The following ATM variants were observed in gnomAD, a reference collection of about 807,000 sequenced individuals.
The protein encoded by ATM is serine-protein kinase ATM.
A neutral mutation model predicts 387.0 loss-of-function variants in ATM; 308 were observed. The observed-to-expected ratio is 0.80, with a 90% CI of 0.73 to 0.87. ATM has a LOEUF of 0.87. ATM is among the 40% of genes least tolerant of loss of function. ATM has a pLI of 0.00. For missense variants in ATM, 3,312 were observed against 3,560.9 expected, an observed-to-expected ratio of 0.93 and a Z score of 1.78; for synonymous variants, 1,156 against 1,187.3, an observed-to-expected ratio of 0.97 and a Z score of 0.54.
chr11:108,239,913 A>G (rs1440074653), intron 5 of ATM, among the ~76,000 whole-genome samples: 1 of 152,236 alleles, frequency 6.6e-6, no homozygotes, highest in Non-Finnish European at 1.5e-5. Flanking sequence ...CTCAAGCTAC[A>G]CTGTCAATTA....
chr11:108,298,616 C>G (rs1280843809), intron 33 of ATM, among the ~76,000 whole-genome samples: 1 of 152,200 alleles, frequency 6.6e-6, no homozygotes, highest in Non-Finnish European at 1.5e-5. Flanking sequence ...ACAGCTTTCC[C>G]CCTAAGATCA....
At chr11:108,336,035 G>C in intron 56 of ATM, 74 bp downstream of exon 56, 1 of 1,155,934 alleles carries the variant, frequency 8.7e-7, no homozygotes, top group South Asian at 1.3e-5. Flanking sequence ...AGTGGCTCAT[G>C]CCCATATTCA....
chr11:108,294,594 C>T (rs1339110438), intron 31 of ATM, among the ~76,000 whole-genome samples: 3 of 152,130 alleles, frequency 2.0e-5, no homozygotes, highest in African/African-American at 4.8e-5. Context: ...ACAAAATTAG[C>T]TGGGCGTGGT....
chr11:108,271,243 T>C lies in ATM; in HGVS notation c.2922-8T>C, dbSNP rs545892367. 3 of 1,612,978 alleles carry C rather than the reference T, an allele frequency of 1.9e-6. No individual in the cohort carries two copies. In the East Asian group the frequency reaches 6.7e-5, roughly 36 times the overall value. ...TAAAGTTGAACTTTTTTTTTTTTTT[T>C]ACCACAGCAATGTGTGTTCTTTGTA... On this transcript the variant is annotated splice_region_variant and splice_polypyrimidine_tract_variant and intron_variant, in intron 19 of 62. Coordinates refer to ENST00000675843, the MANE Select transcript of ATM (RefSeq NM_000051.4).
chr11:108,333,800 GC>G, intron 53 of ATM, 85 bp from the exon 54 acceptor site: 1 of 1,052,048 alleles, frequency 9.5e-7, no homozygotes. Context: ...ACAAGTTGGG[GC>G]CAGTGGTATC....
intron 39 of ATM, among the ~76,000 whole-genome samples, chr11:108,311,768 T>C (rs1177302171): frequency 1.3e-5 from 2 of 152,112 alleles, no homozygotes; most frequent in Non-Finnish European, 2.9e-5. Context: ...GTATCACTTA[T>C]GATAGTATTT....
chr11:108,253,625 A>G (rs2080274501), intron 12 of ATM, among the ~76,000 whole-genome samples, 189 bp from the exon 13 acceptor site: 2 of 152,194 alleles, frequency 1.3e-5, no homozygotes, highest in South Asian at 4.1e-4. Context: ...GAATAATGAC[A>G]TTTGATATAA....
chr11:108,354,184 C>G (rs916590777), intron 60 of ATM, among the ~76,000 whole-genome samples: 2 of 151,986 alleles, frequency 1.3e-5, no homozygotes, highest in African/African-American at 4.8e-5. Flanking sequence ...AAGGAAAAGA[C>G]CCTGGGTAAA....
At chr11:108,226,035 A>G (rs181020678) in intron 1 of ATM, 1 of 152,316 alleles carries the variant, frequency 6.6e-6, no homozygotes, top group Admixed American at 6.5e-5. Flanking sequence ...ACATAAATAT[A>G]TGTATTTTTT....
chr11:108,366,872 G>A lies in ATM; in HGVS notation c.*1364G>A. ...CCACTGCCTGCCTTTGGCAAGCCCTGGGTTCTTTGCTCCCCATATAGATGT... is the reference window on the plus strand; with the variant it reads ...CCACTGCCTGCCTTTGGCAAGCCCTAGGTTCTTTGCTCCCCATATAGATGT... On this transcript the variant is annotated 3_prime_UTR_variant, in exon 63 of 63. Transcript: ENST00000675843. 4.4e-6 allele frequency: 1 copy of A among 229,418 alleles called. No individual in the cohort carries two copies. Among genetic ancestry groups the A allele is most frequent in the Admixed American group, 5.7e-5 (1 of 17,662 alleles). 14.2% of individuals were successfully genotyped at this position (229,418 alleles called of 1,614,324 possible).
intron 6 of ATM, among the ~76,000 whole-genome samples, 183 bp downstream of exon 6, chr11:108,244,301 C>T (rs764108188): frequency 6.6e-6 from 1 of 152,114 alleles, no homozygotes; most frequent in Non-Finnish European, 1.5e-5. Context: ...ATATGCAGAA[C>T]ACTACGTGAA....
intron 13 of ATM, among the ~76,000 whole-genome samples, chr11:108,254,312 A>G (rs2080339694): frequency 1.3e-5 from 2 of 152,216 alleles, no homozygotes; most frequent in Non-Finnish European, 2.9e-5. Flanking sequence ...GAGTTTGAGC[A>G]TAGGGATTAT....
rs199875915 is a variant in ATM, at chr11:108,267,199, G to A, written c.2495G>A (p.Arg832His). ...LASFIKKPFD[R>H]GEVESMEDDT... Reference sequence around the variant, plus strand: ...TCCTTCATCAAAAAGCCATTTGACCGTGGAGAAGTAGAATCAATGGAAGAT... The same window carrying A: ...TCCTTCATCAAAAAGCCATTTGACCATGGAGAAGTAGAATCAATGGAAGAT... Residue 832 changes from arginine (R) to histidine (H), a missense_variant, in exon 17 of 63, where the codon CGT becomes CAT. Arg to His is a conservative substitution (Grantham distance 29). Around this residue, in one of 4 missense-constraint regions of ATM, gnomAD observed 1,791 missense variants for 1,804.5 expected, o/e 0.99. Coordinates refer to ENST00000675843, the MANE Select transcript of ATM (RefSeq NM_000051.4). 30 of 1,614,034 alleles carry A rather than the reference G, an allele frequency of 1.9e-5. No individual in the cohort carries two copies. Among genetic ancestry groups the A allele is most frequent in the East Asian group, 1.1e-4 (5 of 44,878 alleles).
intron 8 of ATM, among the ~76,000 whole-genome samples, chr11:108,247,439 C>T (rs2079910044): frequency 6.6e-6 from 1 of 152,182 alleles, no homozygotes; most frequent in African/African-American, 2.4e-5. Context: ...GCTGGGATTA[C>T]AGGCATGAGC....
Position 108,329,407 on chromosome 11 carries a change from T to C in ATM, c.7307+169T>C, listed in dbSNP as rs746817871. The C allele has an allele frequency of 4.5e-6, 3 of 662,506 alleles. No homozygotes were observed. The African/African-American group carries it at 5.5e-5, about 12-fold the overall frequency. 41.0% of individuals were successfully genotyped at this position (662,506 alleles called of 1,614,324 possible). The stretch of plus-strand genomic sequence containing the variant: ...TCTTTTGGGTTCTTTTCGGTTTTTG[T>C]TTTTTGTTTTTTTTTTTGAGACAAG... On this transcript the variant is annotated intron_variant, in intron 49 of 62. Transcript: ENST00000675843.
chr11:108,260,824 T>C (rs550375079), intron 16 of ATM, among the ~76,000 whole-genome samples: 2 of 152,282 alleles, frequency 1.3e-5, no homozygotes, highest in Admixed American at 1.3e-4. Flanking sequence ...ATTGCCTCAC[T>C]CAGGAAGTGC....
intron 5 of ATM, among the ~76,000 whole-genome samples, chr11:108,243,428 C>T (rs1422881566): frequency 6.6e-6 from 1 of 152,106 alleles, no homozygotes; most frequent in Non-Finnish European, 1.5e-5. Context: ...GCCTGACCAA[C>T]ACGGTGAAAC....
chr11:108,358,464 G>C (rs1007007104), intron 61 of ATM, among the ~76,000 whole-genome samples: 2 of 151,008 alleles, frequency 1.3e-5, no homozygotes, highest in African/African-American at 2.4e-5. Flanking sequence ...GATACTCTTT[G>C]AGAAGAGCAA....
In ATM at chr11:108,366,932, A is replaced by G. The variant is rs1007243818; in HGVS notation, c.*1424A>G. The G allele has an allele frequency of 1.3e-5, 3 of 222,262 alleles. No individual in the cohort carries two copies. The highest frequency in any genetic ancestry group is 2.7e-5 in the Non-Finnish European group (3 of 111,016). 13.8% of individuals were successfully genotyped at this position (222,262 alleles called of 1,614,324 possible). A position where few individuals can be genotyped will look rare whatever the true frequency, so the allele number is the denominator to read the frequency against. ...AAGCCGTGGGTTAATGAGACTGGCA[A>G]ATTGTTCCAGGACAGCTACAGCATC... On this transcript the variant is annotated 3_prime_UTR_variant, in exon 63 of 63. Coordinates refer to ENST00000675843, the MANE Select transcript of ATM (RefSeq NM_000051.4).
Sources: gnomAD v4.1 joint callset for allele counts (sites outside exome capture counted in the v4.1 genomes callset) on GRCh38, gnomAD v4.1.1 for gene constraint, gnomAD v4.1.1 regional missense constraint, MANE v1.5 for transcripts, NCBI Gene and HGNC (gene_info 2026-07-23, HGNC 2026-07-21) for gene names.